Variants in MARCHF1 observed in about 807,000 individuals in gnomAD.
MARCHF1 encodes the protein membrane associated ring-CH-type finger 1, also known as E3 ubiquitin-protein ligase MARCHF1.
MARCHF1 carries 40 observed loss-of-function variants against 54.2 expected under a neutral mutation model. The ratio of observed to expected loss-of-function variants is 0.74; its 90% CI spans 0.57 to 0.96. The LOEUF is 0.96. Among genes scored for constraint, MARCHF1 ranks in the 40% least tolerant of loss-of-function variants. The pLI is 0.00. For synonymous variants in MARCHF1, 236 were observed against 236.3 expected (o/e 1.00, Z 0.01); for missense variants, 586 against 656.5 (o/e 0.89, Z 1.17).
At chr4:163,972,118 T>C (rs1752557826) in intron 3 of MARCHF1, among the ~76,000 whole-genome samples, 1 of 152,108 alleles carries the variant, frequency 6.6e-6, no homozygotes, top group South Asian at 2.1e-4. Context: ...AAGCGCTGCA[T>C]GTTCTCACTC....
At chr4:163,750,513 AAAATAAATAAATAAAT>A (rs34968782) in intron 4 of MARCHF1, among the ~76,000 whole-genome samples, 15 of 143,052 alleles carry the variant, frequency 1.0e-4, no homozygotes, top group African/African-American at 2.1e-4. Flanking sequence ...TCTGTCTCAA[AAAATAAATAAATAAAT>A]AAATAAATAA....
At chr4:163,571,699 A>G (rs1739846795) in intron 8 of MARCHF1, among the ~76,000 whole-genome samples, 1 of 152,104 alleles carries the variant, frequency 6.6e-6, no homozygotes, top group South Asian at 2.1e-4. Context: ...ACAGAGTTAT[A>G]TTTCTTAGGT....
In MARCHF1 at chr4:163,962,366, G is replaced by A. The variant is rs150500896; in HGVS notation, c.-39+26135C>T. On this transcript the variant is annotated intron_variant, in intron 3 of 9. Transcript: ENST00000514618. ...CAATAAGATAACTCAGGAGAGGGGC[G>A]GAGGTGTGGAATTGGGGGTTGGGGC... Among the ~76,000 whole-genome samples, 31 of 151,978 alleles carry A rather than the reference G, an allele frequency of 2.0e-4. 1 individual carries two copies. The Middle Eastern group carries it at 0.01, about 50-fold the overall frequency.
At chr4:164,322,478 G>A (rs1735167122) in intron 1 of MARCHF1, among the ~76,000 whole-genome samples, 1 of 151,930 alleles carries the variant, frequency 6.6e-6, no homozygotes. Flanking sequence ...TCAAAAACTG[G>A]AAAGAATAAA....
chr4:163,776,567 CTTGG>C (rs1050215023), intron 4 of MARCHF1, among the ~76,000 whole-genome samples: 2 of 151,976 alleles, frequency 1.3e-5, no homozygotes, highest in Admixed American at 6.6e-5. Flanking sequence ...TGGTAATATA[CTTGG>C]TTGGTCTCAT....
chr4:164,159,082 T>C (rs879319722), intron 1 of MARCHF1, among the ~76,000 whole-genome samples: 5 of 152,218 alleles, frequency 3.3e-5, no homozygotes, highest in Admixed American at 6.5e-5. Flanking sequence ...TATTTCATGA[T>C]TGACTTGTGT....
At position 163,994,257 on chromosome 4, in the gene MARCHF1, AGTGTGTGTGT is replaced by A. The variant is rs769035806; in HGVS notation, c.-247-5558_-247-5549del. On this transcript the variant is annotated intron_variant, in intron 2 of 9. Coordinates refer to ENST00000514618, the MANE Select transcript of MARCHF1 (RefSeq NM_001394959.1). ...TATCGCTGAAGAATGATAGAGAAAA[AGTGTGTGTGT>A]GTGTGTGTGTGTGTGTGTGTGTGTG... is the stretch of plus-strand genomic sequence containing the variant. 4.6e-3 allele frequency among the ~76,000 whole-genome samples: 624 copies of A among 137,124 alleles called. 11 individuals are homozygous for A. In the East Asian group the frequency reaches 0.056, roughly 12 times the overall value. 90.0% of individuals were successfully genotyped at this position (137,124 alleles called of 152,430 possible).
chr4:164,197,836 A>G (rs112018483), intron 1 of MARCHF1: 3 of 1,442,858 alleles, frequency 2.1e-6, no homozygotes. Context: ...CTCGAGCCCC[A>G]ATATTTACAA....
At chr4:163,530,894 A>G (rs1579033282) in intron 9 of MARCHF1, among the ~76,000 whole-genome samples, 1 of 151,996 alleles carries the variant, frequency 6.6e-6, no homozygotes, top group South Asian at 2.1e-4. Flanking sequence ...ATCATTGGCC[A>G]AAGCTCACAC....
At position 164,268,258 on chromosome 4, in the gene MARCHF1, C is replaced by T. The variant is rs1733659540; in HGVS notation, c.-323+115612G>A. On this transcript the variant is annotated intron_variant, in intron 1 of 9. Transcript: ENST00000514618. ...CCAAGACAATTGTGCTGGATGGCCACTTCCACCATGGCTCCCCTCCTATTT... is the reference window on the plus strand; with the variant it reads ...CCAAGACAATTGTGCTGGATGGCCATTTCCACCATGGCTCCCCTCCTATTT... Among the ~76,000 whole-genome samples, 4 of 152,278 alleles carry T rather than the reference C, an allele frequency of 2.6e-5. No individual in the cohort carries two copies. The South Asian group carries it at 8.3e-4, about 32-fold the overall frequency.
chr4:163,946,793 TAA>T (rs1469915898), intron 3 of MARCHF1, among the ~76,000 whole-genome samples: 1 of 152,218 alleles, frequency 6.6e-6, no homozygotes. Context: ...CCTTAGCAAT[TAA>T]AAAGTGATTC....
intron 4 of MARCHF1, among the ~76,000 whole-genome samples, chr4:163,749,071 C>CT (rs372018311): frequency 6.6e-6 from 1 of 151,942 alleles, no homozygotes; most frequent in African/African-American, 2.4e-5. Context: ...TTATTTAAAT[C>CT]TTTTTTTCCC....
At chr4:164,044,662 C>A (rs1271580900) in intron 2 of MARCHF1, among the ~76,000 whole-genome samples, 1 of 152,106 alleles carries the variant, frequency 6.6e-6, no homozygotes, top group East Asian at 1.9e-4. Context: ...AACCTCAGTA[C>A]TTGCTTTCTA....
In MARCHF1 at chr4:163,823,380, C is replaced by T. The variant is rs1006898005; in HGVS notation, c.111+30641G>A. ...ATTTGTAAATCTAATCTAATAAACT[C>T]GAAACACTTTGCCCAAATCAAACCT... On this transcript the variant is annotated intron_variant, in intron 4 of 9. Coordinates refer to ENST00000514618, the MANE Select transcript of MARCHF1 (RefSeq NM_001394959.1). Among the ~76,000 whole-genome samples, 7 of 151,768 alleles carry T rather than the reference C, an allele frequency of 4.6e-5. No individual in the cohort carries two copies. In the East Asian group the frequency reaches 1.2e-3, roughly 25 times the overall value.
intron 2 of MARCHF1, among the ~76,000 whole-genome samples, chr4:164,081,830 C>G (rs6824397): frequency 0.7 from 106,336 of 151,998 alleles, 38,808 homozygotes; most frequent in Non-Finnish European, 0.82. Context: ...AAGTGTTTTG[C>G]CTTTGGCTTC....
chr4:164,024,197 C>T (rs1051630542), intron 2 of MARCHF1, among the ~76,000 whole-genome samples: 3 of 152,174 alleles, frequency 2.0e-5, no homozygotes, highest in East Asian at 1.9e-4. Flanking sequence ...TTTCTGTTCT[C>T]ACTACAGAGC....
chr4:164,217,463 A>G (rs554875373), intron 1 of MARCHF1, among the ~76,000 whole-genome samples: 1 of 152,332 alleles, frequency 6.6e-6, no homozygotes, highest in South Asian at 2.1e-4. Flanking sequence ...CCTTTGGGAA[A>G]TGTACCTGTT....
At chr4:163,731,658 T>A (rs1055079445) in intron 4 of MARCHF1, among the ~76,000 whole-genome samples, 1 of 152,180 alleles carries the variant, frequency 6.6e-6, no homozygotes, top group Non-Finnish European at 1.5e-5. Flanking sequence ...GATCTTCAAA[T>A]ATTCAGCTGA....
At chr4:164,370,089 T>C (rs1343362051) in intron 1 of MARCHF1, among the ~76,000 whole-genome samples, 1 of 152,162 alleles carries the variant, frequency 6.6e-6, no homozygotes, top group African/African-American at 2.4e-5. Context: ...TAAATGGAGT[T>C]ATGTAACAAA....
Sources: gnomAD v4.1 joint callset for allele counts (sites outside exome capture counted in the v4.1 genomes callset) on GRCh38, gnomAD v4.1.1 for gene constraint, MANE v1.5 for transcripts, NCBI Gene and HGNC (gene_info 2026-07-23, HGNC 2026-07-21) for gene names.